Variants in HS3ST3B1 observed in about 807,000 individuals in gnomAD.
The protein encoded by HS3ST3B1 is heparan sulfate-glucosamine 3-sulfotransferase 3B1.
In HS3ST3B1, 13 loss-of-function variants were observed where a neutral mutation model predicts 21.3. The observed-to-expected ratio is 0.61, with a 90% CI of 0.40 to 0.97. HS3ST3B1 has a LOEUF of 0.97. Ranked by LOEUF, HS3ST3B1 falls within the 50% of genes least tolerant of loss-of-function variation. The pLI is 0.00. For synonymous variants in HS3ST3B1, 234 were observed against 254.8 expected (o/e 0.92, Z 0.78); for missense variants, 459 against 554.8 (o/e 0.83, Z 1.73).
intron 1 of HS3ST3B1, among the ~76,000 whole-genome samples, chr17:14,330,422 C>G (rs62054233): frequency 0.18 from 26,810 of 151,912 alleles, 2,889 homozygotes; most frequent in Non-Finnish European, 0.25. Flanking sequence ...AGTGTCTTGT[C>G]CAAGTACCTG....
intron 1 of HS3ST3B1, among the ~76,000 whole-genome samples, chr17:14,313,312 G>A (rs1007990264): frequency 2.0e-5 from 3 of 151,504 alleles, no homozygotes; most frequent in Non-Finnish European, 4.4e-5. Context: ...CCAACTTTAT[G>A]CGCTCCACTG....
At chr17:14,339,920 G>T (rs921008228) in intron 1 of HS3ST3B1, among the ~76,000 whole-genome samples, 1 of 152,156 alleles carries the variant, frequency 6.6e-6, no homozygotes, top group Admixed American at 6.5e-5. Context: ...GTGAGGGCAG[G>T]AAAGTGTGCC....
rs1290845260 is a variant in HS3ST3B1, at chr17:14,301,638, C to G, written c.120C>G (p.Leu40=). ...AGCTCGCGCTGCTCTTCGCCATGCT[C>G]TGCGTCTGGCTCTATATGTTCCTGT... The part of the protein sequence containing the change: ...RRKLALLFAM[L]CVWLYMFLYS... The change falls in exon 1 of 2, where the codon CTC becomes CTG. Residue 40 remains leucine, a synonymous_variant. Coordinates refer to ENST00000360954, the MANE Select transcript of HS3ST3B1 (RefSeq NM_006041.3). 6.2e-7 allele frequency: 1 copy of G among 1,608,042 alleles called. No homozygotes were observed. Among genetic ancestry groups the G allele is most frequent in the Non-Finnish European group, 8.5e-7 (1 of 1,178,818 alleles).
At chr17:14,341,813 AAC>A (rs1173621796) in intron 1 of HS3ST3B1, among the ~76,000 whole-genome samples, 1 of 152,246 alleles carries the variant, frequency 6.6e-6, no homozygotes, top group Non-Finnish European at 1.5e-5. Context: ...CAGATGGCTT[AAC>A]ACAGGGGAAA....
At chr17:14,312,567 T>C (rs1313361866) in intron 1 of HS3ST3B1, among the ~76,000 whole-genome samples, 1 of 152,120 alleles carries the variant, frequency 6.6e-6, no homozygotes, top group Non-Finnish European at 1.5e-5. Flanking sequence ...ATGGTGGCGG[T>C]CTTCAACCAT....
At chr17:14,342,387 T>C (rs1410234493) in intron 1 of HS3ST3B1, among the ~76,000 whole-genome samples, 1 of 152,224 alleles carries the variant, frequency 6.6e-6, no homozygotes, top group Non-Finnish European at 1.5e-5. Flanking sequence ...GTCCGACTTG[T>C]AAATAATAAC....
chr17:14,335,067 C>T (rs917957626), intron 1 of HS3ST3B1, among the ~76,000 whole-genome samples: 4 of 152,130 alleles, frequency 2.6e-5, no homozygotes, highest in Admixed American at 6.5e-5. Context: ...GCAGATGTGA[C>T]GTCACAATTT....
At chr17:14,334,040 C>T (rs1170002426) in intron 1 of HS3ST3B1, among the ~76,000 whole-genome samples, 2 of 152,178 alleles carry the variant, frequency 1.3e-5, no homozygotes, top group Non-Finnish European at 2.9e-5. Context: ...GGATTACAGG[C>T]GTGAGCCACC....
In HS3ST3B1 at chr17:14,348,354, A is replaced by G. The variant is rs900118740; in HGVS notation, c.*2708A>G. On this transcript the variant is annotated 3_prime_UTR_variant, in exon 2 of 2. Coordinates refer to ENST00000360954, the MANE Select transcript of HS3ST3B1 (RefSeq NM_006041.3). Reference sequence around the variant, plus strand: ...TGAATTCAAACAGATGTCCATAATCAGTACTGATGGAATAGAGCAAGTTTT... The same window carrying G: ...TGAATTCAAACAGATGTCCATAATCGGTACTGATGGAATAGAGCAAGTTTT... 6.6e-6 allele frequency: 1 copy of G among 152,262 alleles called. No homozygotes were observed. The highest frequency in any genetic ancestry group is 1.5e-5 in the Non-Finnish European group (1 of 68,052). 9.4% of individuals were successfully genotyped at this position (152,262 alleles called of 1,614,324 possible). A position where few individuals can be genotyped will look rare whatever the true frequency, so the allele number is the denominator to read the frequency against.
chr17:14,302,304 G>C (rs1908962454), intron 1 of HS3ST3B1, among the ~76,000 whole-genome samples: 1 of 152,192 alleles, frequency 6.6e-6, no homozygotes, highest in African/African-American at 2.4e-5. Flanking sequence ...TGGTGCCCTT[G>C]AATTCATCAG....
At chr17:14,304,792 T>C (rs1909076793) in intron 1 of HS3ST3B1, 1 of 152,134 alleles carries the variant, frequency 6.6e-6, no homozygotes. Context: ...AACTAGAGAA[T>C]ATGAGAGTGG....
chr17:14,315,375 C>G (rs575908834), intron 1 of HS3ST3B1, among the ~76,000 whole-genome samples: 1 of 152,340 alleles, frequency 6.6e-6, no homozygotes, highest in African/African-American at 2.4e-5. Context: ...AGTGAGTTTA[C>G]TGATCATGGC....
rs1411551025 is a variant in HS3ST3B1, at chr17:14,347,788, C to T, written c.*2142C>T. On this transcript the variant is annotated 3_prime_UTR_variant, in exon 2 of 2. Coordinates refer to ENST00000360954, the MANE Select transcript of HS3ST3B1 (RefSeq NM_006041.3). ...GGGGATCTGTGTATTTCTTAGGTTTCTCCCTGTTCTCCAATGTTTTATCCA... is the reference window on the plus strand; with the variant it reads ...GGGGATCTGTGTATTTCTTAGGTTTTTCCCTGTTCTCCAATGTTTTATCCA... The T allele has an allele frequency of 6.6e-6, 1 of 152,162 alleles. No homozygotes were observed. Among genetic ancestry groups the T allele is most frequent in the African/African-American group, 2.4e-5 (1 of 41,432 alleles). The allele number at this position is 152,162 out of a possible 1,614,324, so 9.4% of individuals were successfully genotyped here.
chr17:14,342,166 C>A (rs1437993045), intron 1 of HS3ST3B1, among the ~76,000 whole-genome samples: 1 of 152,134 alleles, frequency 6.6e-6, no homozygotes, highest in Non-Finnish European at 1.5e-5. Context: ...GAATTGTGGT[C>A]TCAGTGGATT....
At chr17:14,314,516 CTGT>C (rs1909439998) in intron 1 of HS3ST3B1, among the ~76,000 whole-genome samples, 1 of 152,188 alleles carries the variant, frequency 6.6e-6, no homozygotes, top group Non-Finnish European at 1.5e-5. Context: ...TTAGTTTTGC[CTGT>C]TGTTGAATCT....
At chr17:14,320,938 C>T (rs746221817) in intron 1 of HS3ST3B1, among the ~76,000 whole-genome samples, 11 of 152,158 alleles carry the variant, frequency 7.2e-5, no homozygotes, top group Non-Finnish European at 1.3e-4. Context: ...TAGTGCCTGC[C>T]GCCCTTCTTA....
intron 1 of HS3ST3B1, among the ~76,000 whole-genome samples, chr17:14,334,371 TCA>T (rs1910126332): frequency 6.6e-6 from 1 of 152,090 alleles, no homozygotes; most frequent in South Asian, 2.1e-4. Flanking sequence ...AGATATGGTC[TCA>T]CTATGTGGCT....
chr17:14,325,712 T>C (rs201165175), intron 1 of HS3ST3B1, among the ~76,000 whole-genome samples: 1 of 152,320 alleles, frequency 6.6e-6, no homozygotes, highest in East Asian at 1.9e-4. Context: ...CTGGTCTTAG[T>C]AGGCTCGCGG....
chr17:14,302,368 G>A (rs1237582018), intron 1 of HS3ST3B1, among the ~76,000 whole-genome samples: 1 of 152,174 alleles, frequency 6.6e-6, no homozygotes, highest in Non-Finnish European at 1.5e-5. Flanking sequence ...TCAGCAAAGC[G>A]AGCCACCCTC....
Sources: gnomAD v4.1 joint callset for allele counts (sites outside exome capture counted in the v4.1 genomes callset) on GRCh38, gnomAD v4.1.1 for gene constraint, MANE v1.5 for transcripts, NCBI Gene and HGNC (gene_info 2026-07-23, HGNC 2026-07-21) for gene names.